The following LAMC3 variants were observed in gnomAD, a reference collection of about 807,000 sequenced individuals.
The protein encoded by LAMC3 is laminin subunit gamma 3.
A neutral mutation model predicts 173.8 loss-of-function variants in LAMC3; 128 were observed. That is an observed-to-expected ratio of 0.74 (90% confidence interval 0.64 to 0.85). The LOEUF is 0.85. Ranked by LOEUF, LAMC3 falls within the 40% of genes least tolerant of loss-of-function variation. The probability of loss-of-function intolerance (pLI) is 0.00; values close to 1 mark genes in which losing one functional copy is unlikely to be tolerated. For synonymous variants in LAMC3, 897 were observed against 909.1 expected, an observed-to-expected ratio of 0.99 and a Z score of 0.24; for missense variants, 2,022 against 2,156.0, an observed-to-expected ratio of 0.94 and a Z score of 1.23.
intron 27 of LAMC3, among the ~76,000 whole-genome samples, chr9:131,088,753 T>C (rs151088529): frequency 1.3e-5 from 2 of 152,130 alleles, no homozygotes; most frequent in Non-Finnish European, 2.9e-5. Flanking sequence ...CCCCAGCCCC[T>C]GGCAGCCATC....
rs35654564 is a variant in LAMC3 at position 131,066,964 on chromosome 9, G to A, written c.2352G>A (p.Arg784=). 1,682 of 1,613,776 alleles carry A rather than the reference G, an allele frequency of 1.0e-3. 19 individuals carry two copies. In the African/African-American group the frequency reaches 0.021, roughly 20 times the overall value. The change falls in exon 14 of 28, where the codon CGG becomes CGA. Residue 784 remains arginine (R), a synonymous_variant. Coordinates refer to ENST00000361069, the MANE Select transcript of LAMC3 (RefSeq NM_006059.4). The stretch of plus-strand genomic sequence containing the variant: ...ACGTGCTCCCTCTACACACAGGGCG[G>A]CGCTGTGAGGTCTGTGATGATGGCT... ...CTHCPPGQRG[R]RCEVCDDGFF...
chr9:131,085,697 G>T lies in LAMC3; in HGVS notation c.4204G>T (p.Glu1402Ter). ...TGCCAAGAAGAAGGGCAGAGAAGCA[G>T]AGGTGTTGGCCAAGGACAGTGCCAA... Reference protein sequence around the residue: ...SSAKKKGREAEVLAKDSAKLA... With the variant: ...SSAKKKGREA Residue 1402 changes from glutamate to a stop codon, truncating the protein, a stop_gained, in exon 25 of 28, where the codon GAG becomes TAG. Transcript: ENST00000361069. LOFTEE classifies it high-confidence loss of function. 6.2e-7 allele frequency: 1 copy of T among 1,614,214 alleles called. No individual in the cohort carries two copies. Among genetic ancestry groups the T allele is most frequent in the Non-Finnish European group, 8.5e-7 (1 of 1,180,036 alleles).
intron 12 of LAMC3, among the ~76,000 whole-genome samples, chr9:131,060,546 A>C (rs1829785318): frequency 6.6e-6 from 1 of 152,092 alleles, no homozygotes; most frequent in Non-Finnish European, 1.5e-5. Flanking sequence ...TGGGAGGCTG[A>C]GGCAGTAATA....
chr9:131,046,843 A>G (rs1169667792), intron 8 of LAMC3, among the ~76,000 whole-genome samples: 1 of 151,632 alleles, frequency 6.6e-6, no homozygotes, highest in Non-Finnish European at 1.5e-5. Flanking sequence ...GGAGCGAGGC[A>G]TCAGCTGAAA....
chr9:131,031,430 C>T (rs913739279), intron 2 of LAMC3, among the ~76,000 whole-genome samples: 1 of 152,190 alleles, frequency 6.6e-6, no homozygotes, highest in Non-Finnish European at 1.5e-5. Flanking sequence ...AACAAGGGGC[C>T]ACAAGTCCCT....
rs3765567 is a variant in LAMC3, at chr9:131,067,315, T to C, written c.2593+110T>C. 1,120,384 of 1,391,870 alleles carry C rather than the reference T, an allele frequency of 0.8. 455,484 individuals are homozygous for C. Among genetic ancestry groups the C allele is most frequent in the Middle Eastern group, 0.84 (3,385 of 4,052 alleles). The allele number at this position is 1,391,870 out of a possible 1,614,324, so 86.2% of individuals were successfully genotyped here. A position where few individuals can be genotyped will look rare whatever the true frequency, so the allele number is the denominator to read the frequency against. ...GAGGAACCCACCAGAACCAGCTGGC[T>C]CCTCTGCAAGGCTGTCCAGCCTCAG... On this transcript the variant is annotated intron_variant, in intron 14 of 27. Coordinates refer to ENST00000361069, the MANE Select transcript of LAMC3 (RefSeq NM_006059.4).
chr9:131,018,713 T>C (rs1015023356), intron 1 of LAMC3, among the ~76,000 whole-genome samples: 1 of 152,146 alleles, frequency 6.6e-6, no homozygotes, highest in African/African-American at 2.4e-5. Context: ...GCACCCCTGC[T>C]CATCCCACCC....
At position 131,094,300 on chromosome 9, in the gene LAMC3, A is replaced by AC. The variant is rs1355567117; in HGVS notation, c.*2518dup. ...TCTCAGCTTAGGTGAAGTCCCACCAACCCCCGTTCAGGATAATGAGGATCT... is the reference window on the plus strand; with the variant it reads ...TCTCAGCTTAGGTGAAGTCCCACCAACCCCCCGTTCAGGATAATGAGGATCT... On this transcript the variant is annotated 3_prime_UTR_variant, in exon 28 of 28. Transcript: ENST00000361069. 1 of 152,052 alleles carries AC rather than the reference A, an allele frequency of 6.6e-6. No homozygotes were observed. The highest frequency in any genetic ancestry group is 2.4e-5 in the African/African-American group (1 of 41,336). The allele number at this position is 152,052 out of a possible 1,614,324, so 9.4% of individuals were successfully genotyped here. A position where few individuals can be genotyped will look rare whatever the true frequency, so the allele number is the denominator to read the frequency against.
intron 9 of LAMC3, among the ~76,000 whole-genome samples, chr9:131,050,151 T>G (rs1834254797): frequency 6.6e-6 from 1 of 152,254 alleles, no homozygotes; most frequent in Non-Finnish European, 1.5e-5. Flanking sequence ...CTGGCATATG[T>G]AAGAAAAGGG....
chr9:131,014,202 C>A (rs1329490951), intron 1 of LAMC3, among the ~76,000 whole-genome samples: 1 of 152,220 alleles, frequency 6.6e-6, no homozygotes, highest in Non-Finnish European at 1.5e-5. Flanking sequence ...CTGCATCATC[C>A]CTGTCCACTT....
chr9:131,009,633 TC>T lies in LAMC3; in HGVS notation c.373+48del. 1 of 1,546,344 alleles carries T rather than the reference TC, an allele frequency of 6.5e-7. No individual in the cohort carries two copies. ...CCGCCACCGCACCCCGTGTCCCCACTCCACTGGGGGTCTGAGGCTGAGGCCT... is the reference window on the plus strand; with the variant it reads ...CCGCCACCGCACCCCGTGTCCCCACTCACTGGGGGTCTGAGGCTGAGGCCT... On this transcript the variant is annotated intron_variant, in intron 1 of 27. Transcript: ENST00000361069. The surrounding 1 kb of genome is among the most constrained non-coding windows in gnomAD (Gnocchi z 4.3).
chr9:131,012,080 C>T (rs191998744), intron 1 of LAMC3, among the ~76,000 whole-genome samples: 14 of 151,980 alleles, frequency 9.2e-5, no homozygotes, highest in Non-Finnish European at 1.9e-4. Flanking sequence ...CACACACACA[C>T]ACACACACAC....
At chr9:131,055,223 A>G (rs1464413069) in intron 11 of LAMC3, among the ~76,000 whole-genome samples, 1 of 152,056 alleles carries the variant, frequency 6.6e-6, no homozygotes, top group East Asian at 1.9e-4. Flanking sequence ...TTCCTTCAGA[A>G]AGGCTGCTCT....
chr9:131,024,652 C>T (rs1053344105), intron 1 of LAMC3, among the ~76,000 whole-genome samples: 6 of 152,132 alleles, frequency 3.9e-5, no homozygotes, highest in East Asian at 3.9e-4. Context: ...CTACTGCCAA[C>T]GGTAGAGATG....
chr9:131,037,635 G>A (rs984429759), intron 4 of LAMC3, among the ~76,000 whole-genome samples: 27 of 152,160 alleles, frequency 1.8e-4, no homozygotes, highest in Non-Finnish European at 3.7e-4. Flanking sequence ...TAGAGTAGCT[G>A]AGACTACAGG....
In LAMC3 at chr9:131,094,005, G is replaced by C. The variant is rs539890327; in HGVS notation, c.*2218G>C. On this transcript the variant is annotated 3_prime_UTR_variant, in exon 28 of 28. Transcript: ENST00000361069. The stretch of plus-strand genomic sequence containing the variant: ...ATTTTGGTATTTTTAGTAGAGACAG[G>C]GTTTCACCACGTTGGTCAGGCTGGT... The C allele has an allele frequency of 6.6e-6, 1 of 152,284 alleles. No homozygotes were observed. The highest frequency in any genetic ancestry group is 2.1e-4 in the South Asian group (1 of 4,820). 9.4% of individuals were successfully genotyped at this position (152,284 alleles called of 1,614,324 possible).
chr9:131,073,385 C>A, intron 20 of LAMC3, 64 bp downstream of exon 20: 1 of 1,254,852 alleles, frequency 8.0e-7, no homozygotes, highest in Non-Finnish European at 1.2e-6. Flanking sequence ...GGGTCAGAGT[C>A]AGCCCCACAG....
chr9:131,055,423 C>CTTTTTTTTTT (rs56220728), intron 11 of LAMC3, among the ~76,000 whole-genome samples: 12 of 109,218 alleles, frequency 1.1e-4, no homozygotes, highest in Non-Finnish European at 1.9e-4. Context: ...TCTTTTCTTT[C>CTTTTTTTTTT]TTTTTTTTTT....
Position 131,068,092 on chromosome 9 carries a change from C to T in LAMC3, c.2608C>T (p.Pro870Ser), listed in dbSNP as rs747684181. The T allele has an allele frequency of 6.2e-7, 1 of 1,611,680 alleles. No homozygotes were observed. Among genetic ancestry groups the T allele is most frequent in the South Asian group, 1.1e-5 (1 of 91,090 alleles). The change falls in exon 15 of 28, where the codon CCA becomes TCA. Residue 870 changes from proline (P) to serine (S), a missense_variant. Transcript: ENST00000361069. ...ADKCMPCSCH[P>S]QGSVSEQMPC... ...CCTGCCCCCAGCTTGCAGCTGTCAC[C>T]CACAGGGCTCGGTCAGTGAGCAGAT...
Sources: allele counts gnomAD v4.1 joint callset (sites outside exome capture counted in the v4.1 genomes callset), GRCh38; gene constraint gnomAD v4.1.1; non-coding constraint Gnocchi (gnomAD v3.1); transcripts MANE v1.5; gene names NCBI Gene and HGNC (gene_info 2026-07-23, HGNC 2026-07-21).